The following DIAPH2 variants were observed in gnomAD, a reference collection of about 807,000 sequenced individuals.
The protein encoded by DIAPH2 is diaphanous related formin 2.
Under a neutral mutation model 92.7 loss-of-function variants are expected in DIAPH2, and 35 were observed. The ratio of observed to expected loss-of-function variants is 0.38; its 90% CI spans 0.29 to 0.50. The LOEUF is 0.50. Among genes scored for constraint, DIAPH2 ranks in the 20% least tolerant of loss-of-function variants. DIAPH2 has a pLI of 0.94. For synonymous variants in DIAPH2, 301 were observed against 280.4 expected, an observed-to-expected ratio of 1.07 and a Z score of -0.73; for missense variants, 701 against 819.5, an observed-to-expected ratio of 0.86 and a Z score of 1.77.
At chrX:97,145,998 TTCTTCTTCC>T (rs2067244234) in intron 22 of DIAPH2, among the ~76,000 whole-genome samples, 1 of 94,041 alleles carries the variant, frequency 1.1e-5, no homozygotes, top group Admixed American at 1.4e-4. Flanking sequence ...TATTTCCTTT[TTCTTCTTCC>T]TTTTTTTTTT....
chrX:97,030,437 T>C (rs1272465366), intron 17 of DIAPH2, among the ~76,000 whole-genome samples: 2 of 111,719 alleles, frequency 1.8e-5, no homozygotes, highest in Non-Finnish European at 3.8e-5. Context: ...AAGAACAGTA[T>C]GACAAAATAT....
intron 1 of DIAPH2, among the ~76,000 whole-genome samples, chrX:96,695,680 C>G (rs1008186720): frequency 9.0e-6 from 1 of 111,724 alleles, no homozygotes; most frequent in African/African-American, 3.3e-5. Flanking sequence ...TCCCTACTTT[C>G]AACCTCCTCT....
intron 4 of DIAPH2, among the ~76,000 whole-genome samples, chrX:96,792,657 A>G (rs1238989852): frequency 3.6e-5 from 4 of 112,200 alleles, no homozygotes; most frequent in African/African-American, 1.3e-4. Context: ...GACTGCTTGT[A>G]TAACACATAG....
At chrX:97,146,007 CTTTTTTT>C (rs372292277) in intron 22 of DIAPH2, among the ~76,000 whole-genome samples, 10 of 43,169 alleles carry the variant, frequency 2.3e-4, no homozygotes, top group African/African-American at 8.0e-4. Context: ...TTTCTTCTTC[CTTTTTTT>C]TTTTTTTTTT....
At chrX:96,824,164 T>C in intron 4 of DIAPH2, among the ~76,000 whole-genome samples, 1 of 110,670 alleles carries the variant, frequency 9.0e-6, no homozygotes, top group East Asian at 2.8e-4. Context: ...ATAATTAATT[T>C]AATGGGAGTT....
intron 17 of DIAPH2, among the ~76,000 whole-genome samples, chrX:97,049,507 A>G (rs895760693): frequency 9.0e-6 from 1 of 111,358 alleles, no homozygotes; most frequent in Admixed American, 9.5e-5. Context: ...ATTTGTTTAT[A>G]TTTTCAACTT....
intron 4 of DIAPH2, among the ~76,000 whole-genome samples, chrX:96,765,429 G>T (rs1296081788): frequency 9.1e-6 from 1 of 110,385 alleles, no homozygotes; most frequent in Non-Finnish European, 1.9e-5. Context: ...AAAGTCCTGA[G>T]CTCAAGCGAT....
chrX:97,458,874 G>A (rs915740014), intron 26 of DIAPH2, among the ~76,000 whole-genome samples: 3 of 111,543 alleles, frequency 2.7e-5, no homozygotes, highest in African/African-American at 6.5e-5. Context: ...ATCCTCTAAA[G>A]GTAACAAGTG....
chrX:97,525,317 C>T (rs1222415057), intron 26 of DIAPH2, among the ~76,000 whole-genome samples: 1 of 112,081 alleles, frequency 8.9e-6, no homozygotes, highest in African/African-American at 3.2e-5. Context: ...TAATTTTGCC[C>T]ACTGTGTCCC....
chrX:97,473,012 A>T (rs1404920763), intron 26 of DIAPH2, among the ~76,000 whole-genome samples: 2 of 111,969 alleles, frequency 1.8e-5, no homozygotes, highest in Admixed American at 1.9e-4. Flanking sequence ...TCTTCCTGGT[A>T]CAACTAGTTG....
chrX:97,129,767 A>G (rs967313278), intron 21 of DIAPH2, among the ~76,000 whole-genome samples: 2 of 111,183 alleles, frequency 1.8e-5, no homozygotes, highest in East Asian at 5.7e-4. Flanking sequence ...CCCTGGAGAC[A>G]TATACAAGAA....
At position 97,441,867 on chromosome X, in the gene DIAPH2, T is replaced by C. The variant is rs2070262922; in HGVS notation, c.3241+12122T>C. Among the ~76,000 whole-genome samples the C allele has an allele frequency of 2.6e-5, 3 of 113,227 alleles. No homozygotes were observed. In the Admixed American group the frequency reaches 2.8e-4, roughly 10 times the overall value. ...ATTTACTTTTGGGACAGACATCACA[T>C]GTATTGGCTAATAAGATCTAGCTTT... On this transcript the variant is annotated intron_variant, in intron 26 of 26. Coordinates refer to ENST00000324765, the MANE Select transcript of DIAPH2 (RefSeq NM_006729.5).
At chrX:96,914,782 G>T (rs956316068) in intron 7 of DIAPH2, among the ~76,000 whole-genome samples, 3 of 110,961 alleles carry the variant, frequency 2.7e-5, no homozygotes, top group African/African-American at 9.8e-5. Flanking sequence ...GATGTTTTTA[G>T]TTAGGCCACG....
At chrX:97,324,568 C>G (rs1367961998) in intron 23 of DIAPH2, among the ~76,000 whole-genome samples, 1 of 111,308 alleles carries the variant, frequency 9.0e-6, no homozygotes, top group Non-Finnish European at 1.9e-5. Context: ...TTTTTTCTAT[C>G]TAAGCTAATA....
intron 4 of DIAPH2, among the ~76,000 whole-genome samples, chrX:96,829,497 T>G (rs1209306874): frequency 1.8e-5 from 2 of 109,593 alleles, no homozygotes; most frequent in Non-Finnish European, 3.8e-5. Context: ...GTGGTTTTTT[T>G]GTTTGTTTGT....
At chrX:96,823,682 ATTATC>A (rs969311852) in intron 4 of DIAPH2, among the ~76,000 whole-genome samples, 1 of 111,204 alleles carries the variant, frequency 9.0e-6, no homozygotes, top group Non-Finnish European at 1.9e-5. Flanking sequence ...GTTCAATTAT[ATTATC>A]TTTATTCTCT....
chrX:96,901,842 G>T (rs1485886628), intron 5 of DIAPH2, among the ~76,000 whole-genome samples: 1 of 110,607 alleles, frequency 9.0e-6, no homozygotes, highest in African/African-American at 3.3e-5. Flanking sequence ...GCCTTTGTTT[G>T]TTCTTGTTTC....
chrX:97,328,620 AGT>A (rs2068971637), intron 23 of DIAPH2, among the ~76,000 whole-genome samples: 1 of 111,533 alleles, frequency 9.0e-6, no homozygotes, highest in Non-Finnish European at 1.9e-5. Context: ...ATCAGTAGTA[AGT>A]GTGCAAATAT....
chrX:97,404,977 CT>C (rs1023789536), intron 25 of DIAPH2, among the ~76,000 whole-genome samples: 1 of 111,888 alleles, frequency 8.9e-6, no homozygotes, highest in African/African-American at 3.2e-5. Flanking sequence ...ATAAATTTGA[CT>C]TTTTTGCAAA....
Sources: gnomAD v4.1 joint callset for allele counts (sites outside exome capture counted in the v4.1 genomes callset) on GRCh38, gnomAD v4.1.1 for gene constraint, MANE v1.5 for transcripts, NCBI Gene and HGNC (gene_info 2026-07-23, HGNC 2026-07-21) for gene names.